KCNH7: variants seen among roughly 807,000 people sequenced by gnomAD.
The protein encoded by KCNH7 is voltage-gated inwardly rectifying potassium channel KCNH7.
A neutral mutation model predicts 120.8 loss-of-function variants in KCNH7; 49 were observed. The ratio of observed to expected loss-of-function variants is 0.41; its 90% CI spans 0.32 to 0.51. The LOEUF (loss-of-function observed/expected upper bound fraction) is 0.51, where lower values mean the gene tolerates loss of function less well. Ranked by LOEUF, KCNH7 falls within the 20% of genes least tolerant of loss-of-function variation. The pLI is 0.38. For missense variants in KCNH7, 1,097 were observed against 1,446.6 expected, an observed-to-expected ratio of 0.76 and a Z score of 3.92; for synonymous variants, 547 against 516.1, an observed-to-expected ratio of 1.06 and a Z score of -0.81.
At chr2:162,722,813 C>CTTTTTTTTTTTTTTTTTTTTTTTTTTTTT (rs894023630) in intron 2 of KCNH7, among the ~76,000 whole-genome samples, 33 of 85,104 alleles carry the variant, frequency 3.9e-4, no homozygotes, top group East Asian at 2.6e-3. Flanking sequence ...TTCTTTTTTT[C>CTTTTTTTTTTTTTTTTTTTTTTTTTTTTT]TTTTTTTTTT....
intron 7 of KCNH7, among the ~76,000 whole-genome samples, chr2:162,439,564 C>T (rs1193766791): frequency 6.6e-6 from 1 of 151,974 alleles, no homozygotes; most frequent in Admixed American, 6.6e-5. Context: ...ACTCTTTTTT[C>T]CAAAATGTCA....
rs1381742244 is a variant in KCNH7, at chr2:162,517,928, A to T, written c.694T>A (p.Ser232Thr). 1 of 1,612,438 alleles carries T rather than the reference A, an allele frequency of 6.2e-7. No individual in the cohort carries two copies. The highest frequency in any genetic ancestry group is 1.7e-5 in the Admixed American group (1 of 59,932). ...PSKCSPLVNISGPLDHSSPKR... is the reference protein window; with the variant it reads ...PSKCSPLVNITGPLDHSSPKR... ...GGAGAGGAATGGTCAAGAGGTCCGG[A>T]TATATTCACCAAGGGAGAACATTTG... is the stretch of plus-strand genomic sequence containing the variant. The change falls in exon 4 of 16, where the codon TCC (serine) becomes ACC (threonine). Residue 232 changes from serine (S) to threonine (T), a missense_variant. By Grantham distance (58) the Ser-to-Thr change is moderately conservative. Around this residue, in one of 8 missense-constraint regions of KCNH7, gnomAD observed 362 missense variants for 372.2 expected, o/e 0.97. Coordinates refer to ENST00000332142, the MANE Select transcript of KCNH7 (RefSeq NM_033272.4).
At chr2:162,557,574 TA>T (rs1692902314) in intron 2 of KCNH7, among the ~76,000 whole-genome samples, 1 of 152,158 alleles carries the variant, frequency 6.6e-6, no homozygotes, top group Non-Finnish European at 1.5e-5. Context: ...TGCAGCTGAT[TA>T]AAAAGCAACT....
At chr2:162,495,758 C>A (rs1690475806) in intron 6 of KCNH7, among the ~76,000 whole-genome samples, 1 of 152,120 alleles carries the variant, frequency 6.6e-6, no homozygotes, top group Admixed American at 6.5e-5. Flanking sequence ...TACCCAGCTG[C>A]AGCTCAGAAG....
At position 162,531,035 on chromosome 2, in the gene KCNH7, T is replaced by C. The variant is rs557863823; in HGVS notation, c.463+5890A>G. On this transcript the variant is annotated intron_variant, in intron 3 of 15. Transcript: ENST00000332142. ...ATACAGGTGGTAAATAATGGGCCTT[T>C]GTAATGCTCTGGAAATAATTTTATC... is the stretch of plus-strand genomic sequence containing the variant. Among the ~76,000 whole-genome samples, 3 of 152,068 alleles carry C rather than the reference T, an allele frequency of 2.0e-5. No homozygotes were observed. In the South Asian group the frequency reaches 6.2e-4, roughly 32 times the overall value.
intron 2 of KCNH7, among the ~76,000 whole-genome samples, chr2:162,634,371 C>T (rs1017480002): frequency 2.0e-5 from 3 of 151,930 alleles, no homozygotes; most frequent in Non-Finnish European, 4.4e-5. Context: ...ATATCAGCAG[C>T]TAGGATGACG....
chr2:162,736,310 T>C (rs1466750543), intron 2 of KCNH7, among the ~76,000 whole-genome samples: 3 of 152,224 alleles, frequency 2.0e-5, no homozygotes, highest in African/African-American at 7.2e-5. Flanking sequence ...GAAATTAAAG[T>C]TATGTTTTTG....
chr2:162,498,508 G>C (rs1347515108), intron 6 of KCNH7, among the ~76,000 whole-genome samples: 3 of 150,470 alleles, frequency 2.0e-5, no homozygotes, highest in African/African-American at 7.3e-5. Context: ...GAGGGTGGGG[G>C]TGTGCACGTG....
chr2:162,427,855 C>G (rs1168935630), intron 8 of KCNH7, among the ~76,000 whole-genome samples: 1 of 151,580 alleles, frequency 6.6e-6, no homozygotes, highest in Non-Finnish European at 1.5e-5. Context: ...CTTTTAATGT[C>G]CATAAGACTT....
chr2:162,586,241 A>AATAGAATGTGCAGG (rs1694015467), intron 2 of KCNH7, among the ~76,000 whole-genome samples: 1 of 152,010 alleles, frequency 6.6e-6, no homozygotes, highest in Non-Finnish European at 1.5e-5. Context: ...TGCTTTGACT[A>AATAGAATGTGCAGG]ATAGAATGTG....
In KCNH7 at chr2:162,517,820, A is replaced by G. The variant is rs1476450449; in HGVS notation, c.802T>C (p.Cys268Arg). ...LSHSRSRESL[C>R]SIRRASSVHD... ...ACCGAAGATGCTCTCCGTATACTAC[A>G]TAAGCTTTCCCTTGATCTGGAATGG... The change falls in exon 4 of 16, where the codon TGT becomes CGT. Residue 268 changes from cysteine (C) to arginine (R), a missense_variant. Around this residue, in one of 8 missense-constraint regions of KCNH7, gnomAD observed 362 missense variants for 372.2 expected, o/e 0.97. Coordinates refer to ENST00000332142, the MANE Select transcript of KCNH7 (RefSeq NM_033272.4). 2.5e-6 allele frequency: 4 copies of G among 1,612,260 alleles called. No homozygotes were observed. In the African/African-American group the frequency reaches 4.0e-5, roughly 16 times the overall value.
intron 6 of KCNH7, among the ~76,000 whole-genome samples, chr2:162,494,167 G>A (rs1690418023): frequency 6.6e-6 from 1 of 152,098 alleles, no homozygotes; most frequent in South Asian, 2.1e-4. Flanking sequence ...TAATGCAAGG[G>A]TAAAATTTGG....
chr2:162,803,094 A>G (rs1320738645), intron 2 of KCNH7, among the ~76,000 whole-genome samples: 1 of 151,784 alleles, frequency 6.6e-6, no homozygotes, highest in Admixed American at 6.6e-5. Context: ...ATGCTATCCT[A>G]GCTCTGCTAA....
intron 2 of KCNH7, among the ~76,000 whole-genome samples, chr2:162,630,718 A>G (rs1357593598): frequency 6.6e-6 from 1 of 152,160 alleles, no homozygotes; most frequent in Non-Finnish European, 1.5e-5. Flanking sequence ...AATGTAGTGC[A>G]TTAAATATAC....
intron 2 of KCNH7, among the ~76,000 whole-genome samples, chr2:162,783,766 T>C (rs1683595686): frequency 6.6e-6 from 1 of 152,212 alleles, no homozygotes; most frequent in African/African-American, 2.4e-5. Flanking sequence ...TCTAAGATGA[T>C]GAATACAAAA....
At chr2:162,414,611 G>T (rs1687486908) in intron 9 of KCNH7, among the ~76,000 whole-genome samples, 1 of 151,804 alleles carries the variant, frequency 6.6e-6, no homozygotes, top group South Asian at 2.1e-4. Context: ...GCAACTATAT[G>T]TGTGTGTAAA....
intron 2 of KCNH7, among the ~76,000 whole-genome samples, chr2:162,605,073 G>C (rs1421797082): frequency 1.3e-5 from 2 of 151,984 alleles, no homozygotes; most frequent in African/African-American, 4.8e-5. Context: ...AATTATTGAG[G>C]TGATAGACAA....
At chr2:162,644,999 G>A (rs561635164) in intron 2 of KCNH7, among the ~76,000 whole-genome samples, 1 of 152,112 alleles carries the variant, frequency 6.6e-6, no homozygotes, top group Non-Finnish European at 1.5e-5. Context: ...TTACCATTTT[G>A]CCTACTTATA....
chr2:162,431,628 A>C (rs994228402), intron 8 of KCNH7, among the ~76,000 whole-genome samples: 30 of 151,970 alleles, frequency 2.0e-4, no homozygotes, highest in African/African-American at 6.8e-4. Flanking sequence ...ATTTGGATTA[A>C]GGTGTATAGA....
Sources: allele counts gnomAD v4.1 joint callset (sites outside exome capture counted in the v4.1 genomes callset), GRCh38; gene constraint gnomAD v4.1.1; regional missense constraint gnomAD v4.1.1; transcripts MANE v1.5; gene names NCBI Gene and HGNC (gene_info 2026-07-23, HGNC 2026-07-21).